Variants in NEGR1 observed in about 807,000 individuals in gnomAD.
The protein encoded by NEGR1 is neuronal growth regulator 1.
NEGR1 carries 10 observed loss-of-function variants against 40.9 expected under a neutral mutation model. That is an observed-to-expected ratio of 0.24 (90% CI 0.15 to 0.42). The LOEUF is 0.42. Ranked by LOEUF, NEGR1 falls within the 10% of genes least tolerant of loss-of-function variation. The probability of loss-of-function intolerance (pLI) is 1.00; values close to 1 mark genes in which losing one functional copy is unlikely to be tolerated. For missense variants in NEGR1, 352 were observed against 438.9 expected (o/e 0.80, Z 1.77); for synonymous variants, 185 against 166.8 (o/e 1.11, Z -0.84).
At chr1:71,670,810 A>T (rs1652397890) in intron 4 of NEGR1, among the ~76,000 whole-genome samples, 2 of 152,042 alleles carry the variant, frequency 1.3e-5, no homozygotes, top group South Asian at 4.2e-4. Flanking sequence ...TCTCTGATCA[A>T]ATCAGTATTC....
intron 2 of NEGR1, among the ~76,000 whole-genome samples, chr1:71,863,708 A>C (rs1243643485): frequency 6.6e-6 from 1 of 152,180 alleles, no homozygotes; most frequent in Admixed American, 6.6e-5. Flanking sequence ...ACAGTTATTA[A>C]GTTTCAAAAG....
At chr1:72,134,639 G>A (rs1490610892) in intron 1 of NEGR1, among the ~76,000 whole-genome samples, 3 of 48,912 alleles carry the variant, frequency 6.1e-5, no homozygotes, top group East Asian at 6.7e-4. Context: ...AAGATTAGAG[G>A]TTTCCTTTTT....
At chr1:72,112,548 G>T (rs745836766) in intron 1 of NEGR1, among the ~76,000 whole-genome samples, 18 of 151,570 alleles carry the variant, frequency 1.2e-4, no homozygotes, top group Non-Finnish European at 2.4e-4. Flanking sequence ...TGATTGTTAG[G>T]TTTCTTCCTC....
At chr1:71,810,860 G>T (rs575536951) in intron 2 of NEGR1, among the ~76,000 whole-genome samples, 1 of 152,094 alleles carries the variant, frequency 6.6e-6, no homozygotes, top group Admixed American at 6.6e-5. Flanking sequence ...ACAGCCTGTG[G>T]AACTGTGAGC....
In NEGR1 at chr1:71,988,923, T is replaced by TAAAAAAAAAAAAAAAA. The variant is rs10604833; in HGVS notation, c.177-53628_177-53613dup. Among the ~76,000 whole-genome samples, 85 of 82,222 alleles carry TAAAAAAAAAAAAAAAA rather than the reference T, an allele frequency of 1.0e-3. 4 individuals are homozygous for TAAAAAAAAAAAAAAAA. The highest frequency in any genetic ancestry group is 4.8e-3 in the African/African-American group (84 of 17,428). 53.9% of individuals were successfully genotyped at this position (82,222 alleles called of 152,430 possible). Reference sequence around the variant, plus strand: ...CAATGAGCTCTATCATATTGGATGTTAAAAAAAAAAAAAAAAAAAAAAAAA... The same window carrying TAAAAAAAAAAAAAAAA: ...CAATGAGCTCTATCATATTGGATGTTAAAAAAAAAAAAAAAAAAAAAAAAAAAAAAAAAAAAAAAAA... On this transcript the variant is annotated intron_variant, in intron 1 of 6. Transcript: ENST00000357731.
At position 71,400,516 on chromosome 1, in the gene NEGR1, T is replaced by C. The variant is rs887031076; in HGVS notation, c.*6930A>G. The stretch of plus-strand genomic sequence containing the variant: ...TATATTATTTTTTCAACAAGGTGGA[T>C]TCTCGAAGCAAGGTAGTTCTTGTGA... On this transcript the variant is annotated 3_prime_UTR_variant, in exon 7 of 7. Transcript: ENST00000357731. The C allele has an allele frequency of 6.6e-6, 1 of 152,170 alleles. No individual in the cohort carries two copies. The highest frequency in any genetic ancestry group is 2.4e-5 in the African/African-American group (1 of 41,434). 9.4% of individuals were successfully genotyped at this position (152,170 alleles called of 1,614,324 possible). A position where few individuals can be genotyped will look rare whatever the true frequency, so the allele number is the denominator to read the frequency against.
intron 6 of NEGR1, among the ~76,000 whole-genome samples, chr1:71,500,945 C>T (rs1434623488): frequency 2.0e-5 from 3 of 151,832 alleles, no homozygotes; most frequent in Non-Finnish European, 4.4e-5. Context: ...GGTTTATTGA[C>T]TCCACGAATG....
chr1:72,093,739 T>C (rs991940207), intron 1 of NEGR1, among the ~76,000 whole-genome samples: 2 of 152,178 alleles, frequency 1.3e-5, no homozygotes, highest in Non-Finnish European at 2.9e-5. Context: ...CACTTCAGCT[T>C]GATTAGATGG....
chr1:72,110,922 C>T (rs1183977887), intron 1 of NEGR1, among the ~76,000 whole-genome samples: 1 of 151,190 alleles, frequency 6.6e-6, no homozygotes, highest in African/African-American at 2.4e-5. Flanking sequence ...CAGGTGTTTT[C>T]TTTGGGAACA....
rs185998726 is a variant in NEGR1 at position 71,513,039 on chromosome 1, G to T, written c.940+79778C>A. 3.5e-4 allele frequency among the ~76,000 whole-genome samples: 54 copies of T among 152,116 alleles called. No homozygotes were observed. The East Asian group carries it at 0.01, about 29-fold the overall frequency. ...CATAATTATAGTACACTAGTCAATA[G>T]GGCAGATTAAAGAATTTCTCCTGAT... On this transcript the variant is annotated intron_variant, in intron 6 of 6. Coordinates refer to ENST00000357731, the MANE Select transcript of NEGR1 (RefSeq NM_173808.3).
chr1:72,265,693 A>G (rs1360392486), intron 1 of NEGR1, among the ~76,000 whole-genome samples: 1 of 151,010 alleles, frequency 6.6e-6, no homozygotes, highest in African/African-American at 2.4e-5. Flanking sequence ...CATACCTGCT[A>G]AGAACTTAAA....
At chr1:71,657,728 C>G (rs1283286144) in intron 4 of NEGR1, among the ~76,000 whole-genome samples, 1 of 152,146 alleles carries the variant, frequency 6.6e-6, no homozygotes, top group Non-Finnish European at 1.5e-5. Context: ...TGGTTTGATC[C>G]TCCCTGGTGA....
At chr1:71,837,616 T>C (rs1411616169) in intron 2 of NEGR1, among the ~76,000 whole-genome samples, 2 of 152,130 alleles carry the variant, frequency 1.3e-5, no homozygotes, top group Non-Finnish European at 2.9e-5. Context: ...TGATTGAACA[T>C]AGCACTCTAT....
At chr1:71,410,127 C>T (rs529632652) in intron 6 of NEGR1, among the ~76,000 whole-genome samples, 1 of 152,178 alleles carries the variant, frequency 6.6e-6, no homozygotes, top group Admixed American at 6.5e-5. Flanking sequence ...TACGTCTTTT[C>T]ACTGATGCCA....
chr1:72,020,708 C>A (rs1421789363), intron 1 of NEGR1, among the ~76,000 whole-genome samples: 1 of 151,992 alleles, frequency 6.6e-6, no homozygotes, highest in Non-Finnish European at 1.5e-5. Context: ...CCACCACCAC[C>A]AAAGTAGAGA....
intron 2 of NEGR1, among the ~76,000 whole-genome samples, chr1:71,875,289 A>G (rs1188286997): frequency 2.6e-5 from 4 of 152,148 alleles, no homozygotes; most frequent in African/African-American, 4.8e-5. Context: ...CAATTTGTCC[A>G]TTTTCTCTCT....
At chr1:71,430,657 T>A (rs12047339) in intron 6 of NEGR1, among the ~76,000 whole-genome samples, 132,894 of 142,312 alleles carry the variant, frequency 0.93, 62,244 homozygotes, top group Non-Finnish European at 0.98. Flanking sequence ...AGCTTTTTTT[T>A]AAAAAAAAAA....
At chr1:71,584,977 G>T in intron 6 of NEGR1, among the ~76,000 whole-genome samples, 1 of 152,118 alleles carries the variant, frequency 6.6e-6, no homozygotes. Flanking sequence ...ACTGGCCAAG[G>T]TTGTTGCAAC....
chr1:72,050,121 A>G (rs910875990), intron 1 of NEGR1, among the ~76,000 whole-genome samples: 1 of 151,610 alleles, frequency 6.6e-6, no homozygotes, highest in Admixed American at 6.6e-5. Flanking sequence ...TATATTGTAA[A>G]AAAGGTCAAA....
Sources: gnomAD v4.1 joint callset for allele counts (sites outside exome capture counted in the v4.1 genomes callset) on GRCh38, gnomAD v4.1.1 for gene constraint, MANE v1.5 for transcripts, NCBI Gene and HGNC (gene_info 2026-07-23, HGNC 2026-07-21) for gene names.